Variants in NARF observed in about 807,000 individuals in gnomAD.
The protein encoded by NARF is iron-only hydrogenase-like protein 2.
NARF carries 41 observed loss-of-function variants against 48.0 expected under a neutral mutation model. The observed-to-expected ratio is 0.85, with a 90% CI of 0.66 to 1.11. NARF has a LOEUF of 1.11. NARF is among the 50% of genes least tolerant of loss of function. The pLI is 0.00. For missense variants in NARF, 613 were observed against 590.2 expected (o/e 1.04, Z -0.40); for synonymous variants, 215 against 225.5 (o/e 0.95, Z 0.42).
chr17:82,469,884 A>G (rs1019298556), intron 4 of NARF, among the ~76,000 whole-genome samples: 3 of 148,906 alleles, frequency 2.0e-5, no homozygotes, highest in Non-Finnish European at 3.0e-5. Context: ...GATTACAGGC[A>G]TGTGCCACCG....
intron 10 of NARF, among the ~76,000 whole-genome samples, chr17:82,487,134 G>A (rs2044112927): frequency 6.6e-6 from 1 of 152,204 alleles, no homozygotes; most frequent in Non-Finnish European, 1.5e-5. Flanking sequence ...CTAAAAGGTT[G>A]GCAACTTAGG....
intron 6 of NARF, chr17:82,480,878 G>GCTGAGAT (rs2043947078): frequency 3.2e-6 from 2 of 632,262 alleles, no homozygotes; most frequent in Non-Finnish European, 5.3e-6. Context: ...TTTGCAGTGA[G>GCTGAGAT]CTGAGATCAC....
At chr17:82,483,416 CA>C (rs1567945392) in intron 7 of NARF, 3 of 355,902 alleles carry the variant, frequency 8.4e-6, no homozygotes, top group South Asian at 2.7e-5. Context: ...CAAAGTAGGC[CA>C]AAAAAGTTTA....
chr17:82,464,134 C>A, intron 2 of NARF, 153 bp from the exon 3 acceptor site: 1 of 956,134 alleles, frequency 1.0e-6, no homozygotes, highest in Non-Finnish European at 1.5e-6. Flanking sequence ...GTGGCAGAGA[C>A]TGTCCTGCTT....
At chr17:82,481,294 C>T in intron 7 of NARF, 83 bp downstream of exon 7, 1 of 1,573,804 alleles carries the variant, frequency 6.4e-7, no homozygotes, top group Admixed American at 1.7e-5. Flanking sequence ...AGATCTGTGT[C>T]CCAGAGCCAT....
Position 82,487,987 on chromosome 17 carries a change from G to A in NARF, c.1201G>A (p.Glu401Lys). Residue 401 changes from glutamate (E) to lysine (K), a missense_variant, in exon 11 of 11, where the codon GAA becomes AAA. Coordinates refer to ENST00000309794, the MANE Select transcript of NARF (RefSeq NM_012336.4). ...HADKALLRQM[E>K]GIYADIPVRR... ...GGATAAGGCCCTGCTGCGGCAGATG[G>A]AAGGCATTTACGCTGACATCCCTGT... The A allele has an allele frequency of 6.2e-7, 1 of 1,614,242 alleles. No individual in the cohort carries two copies.
chr17:82,488,264 T>C lies in NARF; in HGVS notation c.*107T>C. ...TATTAAAGACACTTAAGAAAACCGCTCAATGGATTACTTTGGTTTCTCCGA... is the reference window on the plus strand; with the variant it reads ...TATTAAAGACACTTAAGAAAACCGCCCAATGGATTACTTTGGTTTCTCCGA... On this transcript the variant is annotated 3_prime_UTR_variant, in exon 11 of 11. Coordinates refer to ENST00000309794, the MANE Select transcript of NARF (RefSeq NM_012336.4). 1.4e-6 allele frequency: 2 copies of C among 1,475,508 alleles called. No homozygotes were observed. The highest frequency in any genetic ancestry group is 1.8e-6 in the Non-Finnish European group (2 of 1,113,276). 91.4% of individuals were successfully genotyped at this position (1,475,508 alleles called of 1,614,324 possible). A position where few individuals can be genotyped will look rare whatever the true frequency, so the allele number is the denominator to read the frequency against.
upstream of NARF, chr17:82,458,628 GC>G: frequency 2.6e-6 from 2 of 770,438 alleles, no homozygotes; most frequent in Non-Finnish European, 3.7e-6. Context: ...AATCCTATTG[GC>G]CCAGGGGTGC....
At position 82,480,776 on chromosome 17, in the gene NARF, CA is replaced by C. The variant is rs1242623976; in HGVS notation, c.640-300del. 10 of 499,544 alleles carry C rather than the reference CA, an allele frequency of 2.0e-5. No individual in the cohort carries two copies. In the Admixed American group the frequency reaches 2.5e-4, roughly 12 times the overall value. 30.9% of individuals were successfully genotyped at this position (499,544 alleles called of 1,614,324 possible). On this transcript the variant is annotated intron_variant, in intron 6 of 10. Transcript: ENST00000309794. ...GTGAAACCCCATCTCTACTAAAGTA[CA>C]AAAAATTAGCCAGGCGTGGCGGCAT... is the stretch of plus-strand genomic sequence containing the variant.
At chr17:82,464,912 G>A (rs1015747323) in intron 3 of NARF, among the ~76,000 whole-genome samples, 4 of 152,212 alleles carry the variant, frequency 2.6e-5, no homozygotes, top group Non-Finnish European at 4.4e-5. Context: ...TATACAGAAC[G>A]AGAGGTGCCA....
intron 5 of NARF, among the ~76,000 whole-genome samples, chr17:82,476,254 G>A (rs529979986): frequency 6.6e-5 from 10 of 151,746 alleles, no homozygotes; most frequent in South Asian, 2.1e-4. Flanking sequence ...GTGATCGCCC[G>A]CCTCAGTCTC....
chr17:82,468,222 A>T (rs1567932452), intron 3 of NARF, among the ~76,000 whole-genome samples: 2 of 152,100 alleles, frequency 1.3e-5, no homozygotes, highest in East Asian at 3.9e-4. Context: ...GAGGCAGGAG[A>T]ACCACTTGAA....
At chr17:82,469,888 G>A (rs1470355017) in intron 4 of NARF, among the ~76,000 whole-genome samples, 1 of 150,944 alleles carries the variant, frequency 6.6e-6, no homozygotes, top group Non-Finnish European at 1.5e-5. Context: ...ACAGGCATGT[G>A]CCACCGTGCC....
intron 2 of NARF, chr17:82,463,787 G>A (rs1227927255): frequency 6.4e-6 from 1 of 155,382 alleles, no homozygotes. Context: ...CTTGTTACAT[G>A]TCCGAGTGCA....
intron 6 of NARF, among the ~76,000 whole-genome samples, chr17:82,479,693 A>C (rs184009711): frequency 6.6e-6 from 1 of 152,228 alleles, no homozygotes; most frequent in East Asian, 1.9e-4. Context: ...AGAGGGTAAC[A>C]TCAGGATCTT....
chr17:82,465,713 G>C (rs978788146), intron 3 of NARF, among the ~76,000 whole-genome samples: 2 of 152,094 alleles, frequency 1.3e-5, no homozygotes, highest in African/African-American at 4.8e-5. Flanking sequence ...CTACAGACGC[G>C]TGCTACCACA....
chr17:82,468,990 G>A, intron 4 of NARF, 94 bp downstream of exon 4: 1 of 1,394,554 alleles, frequency 7.2e-7, no homozygotes, highest in South Asian at 1.3e-5. Flanking sequence ...ACGCAGGGTA[G>A]ATAAGCAACT....
intron 5 of NARF, among the ~76,000 whole-genome samples, chr17:82,473,538 A>G (rs2043765311): frequency 6.7e-6 from 1 of 150,016 alleles, no homozygotes; most frequent in South Asian, 2.1e-4. Context: ...TTTTTAGTAG[A>G]GACGGGGTTT....
chr17:82,467,188 A>G (rs909338556), intron 3 of NARF, among the ~76,000 whole-genome samples: 1 of 151,896 alleles, frequency 6.6e-6, no homozygotes, highest in African/African-American at 2.4e-5. Flanking sequence ...CTGGGATTAC[A>G]GGTGCACACC....
Sources: allele counts gnomAD v4.1 joint callset (sites outside exome capture counted in the v4.1 genomes callset), GRCh38; gene constraint gnomAD v4.1.1; transcripts MANE v1.5; gene names NCBI Gene and HGNC (gene_info 2026-07-23, HGNC 2026-07-21).